BASP1: variants seen among roughly 807,000 people sequenced by gnomAD.
BASP1 encodes the protein brain acid soluble protein 1.
A neutral mutation model predicts 2.2 loss-of-function variants in BASP1; 1 was observed. That is an observed-to-expected ratio of 0.46 (90% CI 0.16 to 2.17). The LOEUF (loss-of-function observed/expected upper bound fraction) is 2.17, where lower values mean the gene tolerates loss of function less well. Ranked by LOEUF, BASP1 falls within the 30% of genes most tolerant of loss-of-function variation. The pLI, the probability that BASP1 is intolerant of heterozygous loss-of-function variation, is 0.27. For synonymous variants in BASP1, 187 were observed against 154.2 expected (o/e 1.21, Z -1.58); for missense variants, 352 against 327.2 (o/e 1.08, Z -0.58).
intron 1 of BASP1, among the ~76,000 whole-genome samples, chr5:17,242,826 GA>G (rs1307736083): frequency 1.2e-4 from 18 of 146,038 alleles, no homozygotes; most frequent in Non-Finnish European, 2.6e-4. Context: ...GTAAGTCTAG[GA>G]AAAAAAAAGT....
At chr5:17,228,619 A>C (rs1561164972) in intron 1 of BASP1, among the ~76,000 whole-genome samples, 1 of 152,222 alleles carries the variant, frequency 6.6e-6, no homozygotes, top group African/African-American at 2.4e-5. Flanking sequence ...TGTGACTAGC[A>C]ATGTATTCTT....
chr5:17,246,424 G>A (rs1262764069), intron 1 of BASP1, among the ~76,000 whole-genome samples: 1 of 152,152 alleles, frequency 6.6e-6, no homozygotes, highest in Non-Finnish European at 1.5e-5. Flanking sequence ...GGAGGCAGAG[G>A]TTGCGGTGAG....
intron 1 of BASP1, among the ~76,000 whole-genome samples, chr5:17,265,394 C>T (rs1028962272): frequency 4.6e-5 from 7 of 152,180 alleles, no homozygotes; most frequent in African/African-American, 1.7e-4. Context: ...AATGGTGAGC[C>T]TCTGCATATC....
intron 1 of BASP1, among the ~76,000 whole-genome samples, chr5:17,253,928 G>T (rs79967030): frequency 6.6e-6 from 1 of 150,978 alleles, no homozygotes; most frequent in Admixed American, 6.6e-5. Flanking sequence ...TGTATCTAGT[G>T]TTTTTTTTTG....
At chr5:17,237,119 G>A (rs1303249707) in intron 1 of BASP1, among the ~76,000 whole-genome samples, 1 of 152,160 alleles carries the variant, frequency 6.6e-6, no homozygotes, top group East Asian at 1.9e-4. Context: ...GTCGAGGTGG[G>A]CGGATCACGA....
chr5:17,244,280 GA>G (rs1343624494), intron 1 of BASP1, among the ~76,000 whole-genome samples: 2 of 152,156 alleles, frequency 1.3e-5, no homozygotes, highest in Non-Finnish European at 2.9e-5. Flanking sequence ...CATCAGACTT[GA>G]TTCTCTATGG....
At chr5:17,261,813 T>G (rs1397268082) in intron 1 of BASP1, among the ~76,000 whole-genome samples, 4 of 152,236 alleles carry the variant, frequency 2.6e-5, no homozygotes, top group Non-Finnish European at 4.4e-5. Flanking sequence ...AATAAAAGTC[T>G]TGCCAAAATT....
chr5:17,234,022 T>C (rs1309983985), intron 1 of BASP1, among the ~76,000 whole-genome samples: 1 of 152,140 alleles, frequency 6.6e-6, no homozygotes, highest in East Asian at 1.9e-4. Flanking sequence ...TCTCAGCTAC[T>C]GGGGAGGCTG....
intron 1 of BASP1, among the ~76,000 whole-genome samples, chr5:17,243,179 C>T (rs1312788566): frequency 6.6e-6 from 1 of 151,028 alleles, no homozygotes; most frequent in Non-Finnish European, 1.5e-5. Flanking sequence ...GAGGGAGTCT[C>T]ATTCTGTCGC....
chr5:17,260,583 A>G lies in BASP1; in HGVS notation c.-9-14625A>G, dbSNP rs534940517. ...GCAACGGAAATTTCAGTTACAATTT[A>G]GTTTATTGATTTTTTTCTACTGCTG... On this transcript the variant is annotated intron_variant, in intron 1 of 1. Transcript: ENST00000322611. The surrounding 1 kb of genome is among the most constrained non-coding windows in gnomAD (Gnocchi z 4.2). Among the ~76,000 whole-genome samples, 10 of 152,318 alleles carry G rather than the reference A, an allele frequency of 6.6e-5. No homozygotes were observed. The South Asian group carries it at 2.1e-3, about 32-fold the overall frequency.
intron 1 of BASP1, among the ~76,000 whole-genome samples, chr5:17,225,550 T>G (rs1402156518): frequency 6.6e-6 from 1 of 152,264 alleles, no homozygotes; most frequent in Non-Finnish European, 1.5e-5. Context: ...AGTTAAATCC[T>G]TGTTTTTCTC....
At chr5:17,254,866 T>C (rs1251610813) in intron 1 of BASP1, among the ~76,000 whole-genome samples, 2 of 152,198 alleles carry the variant, frequency 1.3e-5, no homozygotes, top group Non-Finnish European at 2.9e-5. Context: ...ATATCCTTAT[T>C]GCAAGAGATC....
chr5:17,227,407 T>C lies in BASP1; in HGVS notation c.-10+9597T>C, dbSNP rs141667933. On this transcript the variant is annotated intron_variant, in intron 1 of 1. Transcript: ENST00000322611. ...ACTAATTTTTATATATATATATATA[T>C]ACAATATTTTTTTTGACAGAGTCTC... 4.6e-3 allele frequency among the ~76,000 whole-genome samples: 604 copies of C among 130,152 alleles called. 4 individuals carry two copies. Among genetic ancestry groups the C allele is most frequent in the African/African-American group, 0.015 (493 of 33,810 alleles). 85.4% of individuals were successfully genotyped at this position (130,152 alleles called of 152,430 possible).
At chr5:17,232,931 T>C (rs937471940) in intron 1 of BASP1, among the ~76,000 whole-genome samples, 1 of 152,208 alleles carries the variant, frequency 6.6e-6, no homozygotes, top group Non-Finnish European at 1.5e-5. Flanking sequence ...ATCAGATCAA[T>C]GTCTAGTTTT....
intron 1 of BASP1, among the ~76,000 whole-genome samples, chr5:17,271,506 T>C (rs963544911): frequency 2.6e-5 from 4 of 152,194 alleles, no homozygotes; most frequent in Admixed American, 6.5e-5. Flanking sequence ...CATAAACACA[T>C]AGAACTGAGG....
chr5:17,221,815 C>T (rs1739399090), intron 1 of BASP1, among the ~76,000 whole-genome samples: 1 of 152,070 alleles, frequency 6.6e-6, no homozygotes, highest in Non-Finnish European at 1.5e-5. Context: ...ATAAAGTACT[C>T]TTTATGTGTT....
At chr5:17,263,995 T>C (rs1000705373) in intron 1 of BASP1, among the ~76,000 whole-genome samples, 1 of 152,158 alleles carries the variant, frequency 6.6e-6, no homozygotes, top group Non-Finnish European at 1.5e-5. Flanking sequence ...CCGACAACAA[T>C]AATTTCAACA....
intron 1 of BASP1, among the ~76,000 whole-genome samples, chr5:17,272,076 AAAAAAAAAAAAAGAAAGAAAAG>A (rs1740540762): frequency 6.6e-6 from 1 of 151,792 alleles, no homozygotes; most frequent in African/African-American, 2.4e-5. Context: ...TTCAAGAAAA[AAAAAAAAAAAAAGAAAGAAAAG>A]AAAAAGAATG....
chr5:17,220,001 A>G (rs1739365266), intron 1 of BASP1, among the ~76,000 whole-genome samples: 1 of 151,860 alleles, frequency 6.6e-6, no homozygotes, highest in African/African-American at 2.4e-5. Flanking sequence ...ATTTAGATTT[A>G]TTTTCAGGTA....
Sources: gnomAD v4.1 joint callset for allele counts (sites outside exome capture counted in the v4.1 genomes callset) on GRCh38, gnomAD v4.1.1 for gene constraint, Gnocchi (gnomAD v3.1) non-coding constraint, MANE v1.5 for transcripts, NCBI Gene and HGNC (gene_info 2026-07-23, HGNC 2026-07-21) for gene names.